Variants in CERS6 observed in about 807,000 individuals in gnomAD.
CERS6 encodes the protein ceramide synthase 6.
In CERS6, 26 loss-of-function variants were observed where a neutral mutation model predicts 56.8. That is an observed-to-expected ratio of 0.46 (90% CI 0.34 to 0.63). CERS6 has a LOEUF of 0.63. Among genes scored for constraint, CERS6 ranks in the 30% least tolerant of loss-of-function variants. The probability of loss-of-function intolerance (pLI) is 0.01; values close to 1 mark genes in which losing one functional copy is unlikely to be tolerated. For missense variants in CERS6, 415 were observed against 467.5 expected, an observed-to-expected ratio of 0.89 and a Z score of 1.04; for synonymous variants, 164 against 173.3, an observed-to-expected ratio of 0.95 and a Z score of 0.42.
chr2:168,612,563 C>T (rs573506099), intron 3 of CERS6, among the ~76,000 whole-genome samples: 30 of 152,140 alleles, frequency 2.0e-4, no homozygotes, highest in Admixed American at 7.2e-4. Context: ...AGAGGTTATC[C>T]CAGGCTAGGC....
intron 1 of CERS6, among the ~76,000 whole-genome samples, chr2:168,491,679 C>A (rs994471730): frequency 6.6e-6 from 1 of 151,962 alleles, no homozygotes; most frequent in Non-Finnish European, 1.5e-5. Context: ...ATGTGCAGAA[C>A]GTGTAGGTTT....
intron 6 of CERS6, among the ~76,000 whole-genome samples, chr2:168,706,777 A>G (rs1350615239): frequency 1.3e-5 from 2 of 152,222 alleles, no homozygotes; most frequent in Non-Finnish European, 2.9e-5. Context: ...CTTAGATAAT[A>G]TGACTTTTCC....
chr2:168,631,581 A>T (rs1327180348), intron 4 of CERS6, among the ~76,000 whole-genome samples: 2 of 119,032 alleles, frequency 1.7e-5, no homozygotes, highest in East Asian at 2.1e-4. Context: ...TATAATATAT[A>T]TTTAATATTT....
intron 4 of CERS6, among the ~76,000 whole-genome samples, chr2:168,638,615 C>G (rs530709548): frequency 1.4e-4 from 22 of 152,086 alleles, no homozygotes; most frequent in Middle Eastern, 3.4e-3. Context: ...AAATTAAAAA[C>G]TTTTTCAGAT....
At chr2:168,471,949 A>T (rs528848819) in intron 1 of CERS6, among the ~76,000 whole-genome samples, 1 of 152,138 alleles carries the variant, frequency 6.6e-6, no homozygotes, top group Non-Finnish European at 1.5e-5. Context: ...TCTGAGGCCC[A>T]GTTCGAATCT....
chr2:168,518,748 A>G (rs1694926449), intron 1 of CERS6, among the ~76,000 whole-genome samples: 1 of 152,150 alleles, frequency 6.6e-6, no homozygotes. Context: ...TCCAGCTGTC[A>G]CTAATACTGA....
intron 1 of CERS6, among the ~76,000 whole-genome samples, chr2:168,497,125 A>T (rs570982131): frequency 9.2e-5 from 14 of 152,308 alleles, no homozygotes; most frequent in Non-Finnish European, 1.8e-4. Context: ...CCTGGAAAGG[A>T]TCACTCTGAA....
At chr2:168,665,958 G>GTT (rs985297899) in intron 4 of CERS6, among the ~76,000 whole-genome samples, 2 of 133,650 alleles carry the variant, frequency 1.5e-5, no homozygotes, top group African/African-American at 5.7e-5. Context: ...TAGACTGTGT[G>GTT]TGTGTGTGTG....
intron 8 of CERS6, among the ~76,000 whole-genome samples, chr2:168,755,144 A>G (rs1684380444): frequency 6.6e-6 from 1 of 152,222 alleles, no homozygotes; most frequent in South Asian, 2.1e-4. Flanking sequence ...TTGGTTAGAA[A>G]CAACAAAACC....
intron 4 of CERS6, among the ~76,000 whole-genome samples, chr2:168,690,322 T>C (rs1478804936): frequency 6.6e-6 from 1 of 152,196 alleles, no homozygotes; most frequent in Non-Finnish European, 1.5e-5. Context: ...ATGAGAAAGT[T>C]TGTGCTGGTC....
chr2:168,674,002 T>C (rs1685989065), intron 4 of CERS6, among the ~76,000 whole-genome samples: 2 of 152,192 alleles, frequency 1.3e-5, no homozygotes, highest in Non-Finnish European at 2.9e-5. Context: ...GTTTGGGAAA[T>C]ACAGAACTGT....
At chr2:168,510,068 G>A (rs1452184104) in intron 1 of CERS6, among the ~76,000 whole-genome samples, 6 of 149,902 alleles carry the variant, frequency 4.0e-5, no homozygotes, top group Non-Finnish European at 8.9e-5. Context: ...ATTAGGTGCA[G>A]TACTTGATAT....
At chr2:168,586,850 C>T (rs764111511) in intron 3 of CERS6, among the ~76,000 whole-genome samples, 1 of 152,136 alleles carries the variant, frequency 6.6e-6, no homozygotes, top group Non-Finnish European at 1.5e-5. Context: ...TGGCACATTC[C>T]TTGATATATA....
chr2:168,724,246 C>T (rs1683274552), intron 8 of CERS6, among the ~76,000 whole-genome samples: 1 of 152,094 alleles, frequency 6.6e-6, no homozygotes, highest in African/African-American at 2.4e-5. Context: ...GTTGTTCATT[C>T]CTCCCGGTGG....
chr2:168,505,504 G>C (rs928381923), intron 1 of CERS6, among the ~76,000 whole-genome samples: 4 of 152,094 alleles, frequency 2.6e-5, no homozygotes, highest in African/African-American at 9.7e-5. Flanking sequence ...ACTTACAAGG[G>C]GACCCAGCAG....
chr2:168,496,488 G>A (rs1291156781), intron 1 of CERS6, among the ~76,000 whole-genome samples: 1 of 152,104 alleles, frequency 6.6e-6, no homozygotes, highest in Non-Finnish European at 1.5e-5. Context: ...CTCCATGAGA[G>A]GGGATTCTTG....
In CERS6 at chr2:168,456,374, G is replaced by GCTTCCCCGGGCGCC. The variant is rs567718282; in HGVS notation, c.-74_-73insTTCCCCGGGCGCCC. 303 of 1,215,898 alleles carry GCTTCCCCGGGCGCC rather than the reference G, an allele frequency of 2.5e-4. No individual in the cohort carries two copies. The African/African-American group carries it at 4.0e-3, about 16-fold the overall frequency. 75.3% of individuals were successfully genotyped at this position (1,215,898 alleles called of 1,614,324 possible). On this transcript the variant is annotated 5_prime_UTR_variant, in exon 1 of 10. Coordinates refer to ENST00000305747, the MANE Select transcript of CERS6 (RefSeq NM_203463.3). This position sits in a 1 kb window ranked among gnomAD's most constrained non-coding sequence, Gnocchi z 4.1. ...CACAGGCTCGGGGCCAGCCGGGCGC[G>GCTTCCCCGGGCGCC]CATCCCCGGGCGCCCTGCGCGGTGG...
At chr2:168,556,171 A>G (rs903058372) in intron 2 of CERS6, among the ~76,000 whole-genome samples, 2 of 152,130 alleles carry the variant, frequency 1.3e-5, no homozygotes, top group African/African-American at 2.4e-5. Context: ...TAATGTAACA[A>G]TAAGACATTA....
chr2:168,725,965 T>A (rs1253256483), intron 8 of CERS6, among the ~76,000 whole-genome samples: 5 of 152,244 alleles, frequency 3.3e-5, no homozygotes, highest in Admixed American at 3.3e-4. Context: ...TCTGCATCTC[T>A]CTCTCTTATA....
Sources: gnomAD v4.1 joint callset for allele counts (sites outside exome capture counted in the v4.1 genomes callset) on GRCh38, gnomAD v4.1.1 for gene constraint, Gnocchi (gnomAD v3.1) non-coding constraint, MANE v1.5 for transcripts, NCBI Gene and HGNC (gene_info 2026-07-23, HGNC 2026-07-21) for gene names.